The following KCNQ1OT1 variants were observed in gnomAD, a reference collection of about 807,000 sequenced individuals.
KCNQ1OT1 encodes the protein KCNQ1 opposite strand/antisense transcript 1.
exon 1 of KCNQ1OT1, chr11:2,625,857 C>A: frequency 2.5e-6 from 1 of 398,674 alleles, no homozygotes; most frequent in Non-Finnish European, 4.4e-6. Flanking sequence ...GCGTGAGCCA[C>A]CGTGCCTGGC....
rs927744334 is a variant in KCNQ1OT1 at position 2,691,252 on chromosome 11, G to A, written n.8743C>T. ...ATCTGCAGTTAACCCCTTGAGTCTC[G>A]GAAGGCTGTTTGAGCCACTAATCAG... is the stretch of plus-strand genomic sequence containing the variant. On this transcript the variant is annotated non_coding_transcript_exon_variant, in exon 1 of 1. Coordinates refer to ENST00000597346, the Ensembl canonical transcript of KCNQ1OT1. This position sits in a 1 kb window ranked among gnomAD's most constrained non-coding sequence, Gnocchi z 6.4. 1.0e-5 allele frequency: 4 copies of A among 398,476 alleles called. No homozygotes were observed. The highest frequency in any genetic ancestry group is 2.5e-4 in the South Asian group (2 of 7,856). The allele number at this position is 398,476 out of a possible 1,614,324, so 24.7% of individuals were successfully genotyped here.
At position 2,657,895 on chromosome 11, in the gene KCNQ1OT1, T is replaced by C; in HGVS notation, n.42100A>G. 2.5e-6 allele frequency: 1 copy of C among 398,626 alleles called. No homozygotes were observed. The highest frequency in any genetic ancestry group is 4.4e-6 in the Non-Finnish European group (1 of 226,060). 24.7% of individuals were successfully genotyped at this position (398,626 alleles called of 1,614,324 possible). A position where few individuals can be genotyped will look rare whatever the true frequency, so the allele number is the denominator to read the frequency against. On this transcript the variant is annotated non_coding_transcript_exon_variant, in exon 1 of 1. Coordinates refer to ENST00000597346, the Ensembl canonical transcript of KCNQ1OT1. The surrounding 1 kb of genome is among the most constrained non-coding windows in gnomAD (Gnocchi z 4.8). Reference sequence around the variant, plus strand: ...AGGAGGCCAGTGAGGTGAGATGCTTTCCTCATTGTGGAACATGACATCAAC... The same window carrying C: ...AGGAGGCCAGTGAGGTGAGATGCTTCCCTCATTGTGGAACATGACATCAAC...
At chr11:2,696,723 T>G in exon 1 of KCNQ1OT1, 1 of 398,632 alleles carries the variant, frequency 2.5e-6, no homozygotes, top group Non-Finnish European at 4.4e-6. Context: ...AAGATCTCCC[T>G]CTATATCCTC....
Position 2,621,248 on chromosome 11 carries a change from G to A in KCNQ1OT1, n.78747C>T. The stretch of plus-strand genomic sequence containing the variant: ...GCACCTCAGCCTCCCAAAGTGCTAG[G>A]ACTACAGGCATGAGCCACCGTGCCT... On this transcript the variant is annotated non_coding_transcript_exon_variant, in exon 1 of 1. Transcript: ENST00000597346. This position sits in a 1 kb window ranked among gnomAD's most constrained non-coding sequence, Gnocchi z 5.7. 2.5e-6 allele frequency: 1 copy of A among 398,246 alleles called. No individual in the cohort carries two copies. Among genetic ancestry groups the A allele is most frequent in the East Asian group, 3.6e-5 (1 of 28,072 alleles). 24.7% of individuals were successfully genotyped at this position (398,246 alleles called of 1,614,324 possible). A position where few individuals can be genotyped will look rare whatever the true frequency, so the allele number is the denominator to read the frequency against.
chr11:2,612,953 G>T lies in KCNQ1OT1; in HGVS notation n.87042C>A. 2 of 398,550 alleles carry T rather than the reference G, an allele frequency of 5.0e-6. No homozygotes were observed. Among genetic ancestry groups the T allele is most frequent in the Non-Finnish European group, 8.8e-6 (2 of 226,052 alleles). 24.7% of individuals were successfully genotyped at this position (398,550 alleles called of 1,614,324 possible). A position where few individuals can be genotyped will look rare whatever the true frequency, so the allele number is the denominator to read the frequency against. On this transcript the variant is annotated non_coding_transcript_exon_variant, in exon 1 of 1. Transcript: ENST00000597346. This position sits in a 1 kb window ranked among gnomAD's most constrained non-coding sequence, Gnocchi z 5.5. ...TCTCTGCATGGATTCTGCAGAGTCT[G>T]TGTTCTCCTGCAGTGTGCAGCCACT...
At position 2,618,189 on chromosome 11, in the gene KCNQ1OT1, T is replaced by G. The variant is rs188556546; in HGVS notation, n.81806A>C. On this transcript the variant is annotated non_coding_transcript_exon_variant, in exon 1 of 1. Transcript: ENST00000597346. ...AGGTCTTTTATCCATTTTGAGTTTA[T>G]TTCTATGTATGGTGTAAGGCAGCGA... 146 of 398,536 alleles carry G rather than the reference T, an allele frequency of 3.7e-4. 1 individual carries two copies. Among genetic ancestry groups the G allele is most frequent in the African/African-American group, 2.9e-3 (139 of 48,742 alleles). The allele number at this position is 398,536 out of a possible 1,614,324, so 24.7% of individuals were successfully genotyped here.
At position 2,642,638 on chromosome 11, in the gene KCNQ1OT1, ATATT is replaced by A. The variant is rs1374786509; in HGVS notation, n.57353_57356del. On this transcript the variant is annotated non_coding_transcript_exon_variant, in exon 1 of 1. Coordinates refer to ENST00000597346, the Ensembl canonical transcript of KCNQ1OT1. This position sits in a 1 kb window ranked among gnomAD's most constrained non-coding sequence, Gnocchi z 4.3. ...CGATTTTGCATTTCATTGATCCTTT[ATATT>A]TATTTAGTTTCTTGTTTAGTTCTGC... The A allele has an allele frequency of 7.6e-6, 3 of 397,022 alleles. No individual in the cohort carries two copies. Among genetic ancestry groups the A allele is most frequent in the Non-Finnish European group, 1.3e-5 (3 of 225,374 alleles). 24.6% of individuals were successfully genotyped at this position (397,022 alleles called of 1,614,324 possible). A position where few individuals can be genotyped will look rare whatever the true frequency, so the allele number is the denominator to read the frequency against.
chr11:2,670,634 C>T lies in KCNQ1OT1; in HGVS notation n.29361G>A, dbSNP rs758923393. On this transcript the variant is annotated non_coding_transcript_exon_variant, in exon 1 of 1. Transcript: ENST00000597346. This position sits in a 1 kb window ranked among gnomAD's most constrained non-coding sequence, Gnocchi z 4.9. ...TCTGGGGGAGCCTGGATATGCATGG[C>T]AGAGGCCAGGATGAACCCTGAAGAT... 160 of 398,426 alleles carry T rather than the reference C, an allele frequency of 4.0e-4. No homozygotes were observed. Among genetic ancestry groups the T allele is most frequent in the Non-Finnish European group, 6.2e-4 (141 of 226,106 alleles). 24.7% of individuals were successfully genotyped at this position (398,426 alleles called of 1,614,324 possible). A position where few individuals can be genotyped will look rare whatever the true frequency, so the allele number is the denominator to read the frequency against.
At position 2,610,063 on chromosome 11, in the gene KCNQ1OT1, T is replaced by C. The variant is rs549842896; in HGVS notation, n.89932A>G. On this transcript the variant is annotated non_coding_transcript_exon_variant, in exon 1 of 1. Transcript: ENST00000597346. ...ATCCACAGTTTTACTTTTGGTCTTTTCTATGTACTATTTCTTGTTCCTCTA... is the reference window on the plus strand; with the variant it reads ...ATCCACAGTTTTACTTTTGGTCTTTCCTATGTACTATTTCTTGTTCCTCTA... 194 of 397,936 alleles carry C rather than the reference T, an allele frequency of 4.9e-4. 1 individual carries two copies. In the East Asian group the frequency reaches 6.9e-3, roughly 14 times the overall value. 24.7% of individuals were successfully genotyped at this position (397,936 alleles called of 1,614,324 possible).
chr11:2,688,357 G>A, exon 1 of KCNQ1OT1: 2 of 398,780 alleles, frequency 5.0e-6, no homozygotes, highest in Middle Eastern at 6.3e-4. Context: ...TCTCGTGTCT[G>A]GGGAACTTCC....
exon 1 of KCNQ1OT1, chr11:2,641,328 C>CT (rs1204131541): frequency 2.5e-6 from 1 of 398,088 alleles, no homozygotes; most frequent in Non-Finnish European, 4.4e-6. Context: ...TAATTTTTGT[C>CT]TTTTTAAAAT....
exon 1 of KCNQ1OT1, chr11:2,630,000 C>T (rs1008256571): frequency 2.5e-6 from 1 of 398,240 alleles, no homozygotes; most frequent in South Asian, 1.3e-4. Flanking sequence ...TGTTCCTCAT[C>T]TTAGAGGAGA....
rs1590032346 is a variant in KCNQ1OT1 at position 2,686,840 on chromosome 11, C to T, written n.13155G>A. On this transcript the variant is annotated non_coding_transcript_exon_variant, in exon 1 of 1. Transcript: ENST00000597346. ...GAGCAGCACAAGTAACTCAGAGCCA[C>T]TGTCCCCTCTGGCCAGAGGCCCTGG... 1.5e-5 allele frequency: 6 copies of T among 398,710 alleles called. No individual in the cohort carries two copies. In the East Asian group the frequency reaches 2.1e-4, roughly 14 times the overall value. 24.7% of individuals were successfully genotyped at this position (398,710 alleles called of 1,614,324 possible).
Position 2,620,014 on chromosome 11 carries a change from C to G in KCNQ1OT1, n.79981G>C. 1 of 397,676 alleles carries G rather than the reference C, an allele frequency of 2.5e-6. No individual in the cohort carries two copies. The highest frequency in any genetic ancestry group is 4.4e-6 in the Non-Finnish European group (1 of 226,040). 24.6% of individuals were successfully genotyped at this position (397,676 alleles called of 1,614,324 possible). On this transcript the variant is annotated non_coding_transcript_exon_variant, in exon 1 of 1. Transcript: ENST00000597346. The surrounding 1 kb of genome is among the most constrained non-coding windows in gnomAD (Gnocchi z 4.5). ...ATAGGTAGGTTTTCAGCCCACCTCT[C>G]CATTCCTCCCCCAAGTAGTCCCCAG... is the stretch of plus-strand genomic sequence containing the variant.
rs1486836753 is a variant in KCNQ1OT1 at position 2,653,783 on chromosome 11, C to T, written n.46212G>A. The T allele has an allele frequency of 1.8e-5, 7 of 398,524 alleles. No individual in the cohort carries two copies. Among genetic ancestry groups the T allele is most frequent in the African/African-American group, 1.4e-4 (7 of 48,640 alleles). 24.7% of individuals were successfully genotyped at this position (398,524 alleles called of 1,614,324 possible). Reference sequence around the variant, plus strand: ...GCTGGGGTACAAGCCATCCTTGGACCTGCAGCTGTACCTCCGATGGCTGAG... The same window carrying T: ...GCTGGGGTACAAGCCATCCTTGGACTTGCAGCTGTACCTCCGATGGCTGAG... On this transcript the variant is annotated non_coding_transcript_exon_variant, in exon 1 of 1. Coordinates refer to ENST00000597346, the Ensembl canonical transcript of KCNQ1OT1. This position sits in a 1 kb window ranked among gnomAD's most constrained non-coding sequence, Gnocchi z 5.3.
exon 1 of KCNQ1OT1, chr11:2,662,559 T>G (rs1017352533): frequency 5.8e-5 from 25 of 427,690 alleles, no homozygotes; most frequent in Middle Eastern, 5.9e-4. Flanking sequence ...GGCCTTCCCC[T>G]GAGGCACAGC....
chr11:2,664,571 C>T lies in KCNQ1OT1; in HGVS notation n.35424G>A. 1 of 398,660 alleles carries T rather than the reference C, an allele frequency of 2.5e-6. No individual in the cohort carries two copies. Among genetic ancestry groups the T allele is most frequent in the Non-Finnish European group, 4.4e-6 (1 of 226,110 alleles). The allele number at this position is 398,660 out of a possible 1,614,324, so 24.7% of individuals were successfully genotyped here. A position where few individuals can be genotyped will look rare whatever the true frequency, so the allele number is the denominator to read the frequency against. On this transcript the variant is annotated non_coding_transcript_exon_variant, in exon 1 of 1. Transcript: ENST00000597346. This position sits in a 1 kb window ranked among gnomAD's most constrained non-coding sequence, Gnocchi z 5.1. ...GTGTGGGGGCCGTGCAGGTCTTCTG[C>T]CCGCATTGGGGCTGCATTCCTCCAC...
Position 2,624,151 on chromosome 11 carries a change from C to T in KCNQ1OT1, n.75844G>A. The T allele has an allele frequency of 2.5e-6, 1 of 398,428 alleles. No homozygotes were observed. The allele number at this position is 398,428 out of a possible 1,614,324, so 24.7% of individuals were successfully genotyped here. ...TATATCACATTTCTTGTTTTAATTTCCATTTCCCTAATGACGTAAGATGTG... is the reference window on the plus strand; with the variant it reads ...TATATCACATTTCTTGTTTTAATTTTCATTTCCCTAATGACGTAAGATGTG... On this transcript the variant is annotated non_coding_transcript_exon_variant, in exon 1 of 1. Coordinates refer to ENST00000597346, the Ensembl canonical transcript of KCNQ1OT1. The surrounding 1 kb of genome is among the most constrained non-coding windows in gnomAD (Gnocchi z 4.9).
chr11:2,641,407 A>T (rs148504488), exon 1 of KCNQ1OT1: 7 of 398,142 alleles, frequency 1.8e-5, no homozygotes, highest in African/African-American at 1.4e-4. Flanking sequence ...TTTTTTTTAA[A>T]TATACCTGTT....
Sources: gnomAD v4.1 joint callset for allele counts on GRCh38, gnomAD v4.1.1 for gene constraint, Gnocchi (gnomAD v3.1) non-coding constraint, MANE v1.5 for transcripts, NCBI Gene and HGNC (gene_info 2026-07-23, HGNC 2026-07-21) for gene names.